AHCYL2: variants seen among roughly 807,000 people sequenced by gnomAD.
AHCYL2 encodes S-adenosylhomocysteine hydrolase-like protein 2.
Under a neutral mutation model 81.4 loss-of-function variants are expected in AHCYL2, and 28 were observed. That is an observed-to-expected ratio of 0.34 (90% CI 0.25 to 0.47). The LOEUF (loss-of-function observed/expected upper bound fraction) is 0.47, where lower values mean the gene tolerates loss of function less well. Among genes scored for constraint, AHCYL2 ranks in the 20% least tolerant of loss-of-function variants. The pLI is 1.00. For synonymous variants in AHCYL2, 272 were observed against 290.2 expected, an observed-to-expected ratio of 0.94 and a Z score of 0.64; for missense variants, 551 against 785.1, an observed-to-expected ratio of 0.70 and a Z score of 3.56.
At chr7:129,391,327 A>T (rs544889435) in intron 4 of AHCYL2, among the ~76,000 whole-genome samples, 1 of 152,338 alleles carries the variant, frequency 6.6e-6, no homozygotes, top group African/African-American at 2.4e-5. Context: ...AAACTACAAA[A>T]CTACTTTTTG....
intron 1 of AHCYL2, among the ~76,000 whole-genome samples, chr7:129,366,095 C>A (rs967543240): frequency 6.6e-6 from 1 of 152,042 alleles, no homozygotes; most frequent in East Asian, 1.9e-4. Flanking sequence ...CTTCAGTGGG[C>A]CTTATTTTCC....
At chr7:129,360,304 C>T (rs1197872796) in intron 1 of AHCYL2, among the ~76,000 whole-genome samples, 1 of 151,990 alleles carries the variant, frequency 6.6e-6, no homozygotes, top group African/African-American at 2.4e-5. Flanking sequence ...TTAGTAGAGA[C>T]GGAGTTTCTT....
At chr7:129,369,482 T>G (rs1794270285) in intron 1 of AHCYL2, among the ~76,000 whole-genome samples, 1 of 152,140 alleles carries the variant, frequency 6.6e-6, no homozygotes, top group Admixed American at 6.5e-5. Flanking sequence ...TTGTTACAAC[T>G]ATTTTTTATT....
intron 1 of AHCYL2, among the ~76,000 whole-genome samples, chr7:129,230,079 CTTTTTTTTTTTT>C (rs35056717): frequency 1.8e-5 from 2 of 109,432 alleles, no homozygotes; most frequent in East Asian, 2.6e-4. Flanking sequence ...TTATTTAATT[CTTTTTTTTTTTT>C]TTTTTTTTTT....
chr7:129,347,201 G>C (rs1793392256), intron 1 of AHCYL2, among the ~76,000 whole-genome samples: 2 of 150,966 alleles, frequency 1.3e-5, no homozygotes, highest in South Asian at 4.1e-4. Flanking sequence ...ATGCTACAAT[G>C]ATGGGTACAC....
chr7:129,240,863 A>C (rs1335899673), intron 1 of AHCYL2, among the ~76,000 whole-genome samples: 1 of 152,138 alleles, frequency 6.6e-6, no homozygotes, highest in Non-Finnish European at 1.5e-5. Flanking sequence ...AAGATTATGT[A>C]TTAGATATAG....
intron 1 of AHCYL2, among the ~76,000 whole-genome samples, chr7:129,362,250 C>G (rs1460230341): frequency 6.6e-6 from 1 of 152,104 alleles, no homozygotes; most frequent in East Asian, 1.9e-4. Flanking sequence ...CCTTCAAACC[C>G]AAGTCTATTC....
intron 1 of AHCYL2, among the ~76,000 whole-genome samples, chr7:129,258,963 A>G (rs1016515106): frequency 5.3e-5 from 8 of 152,286 alleles, no homozygotes; most frequent in South Asian, 2.1e-4. Flanking sequence ...GCATTTTGCT[A>G]TTTTAAAATC....
intron 1 of AHCYL2, among the ~76,000 whole-genome samples, chr7:129,326,526 A>C (rs1183887116): frequency 1.3e-5 from 2 of 152,192 alleles, no homozygotes; most frequent in East Asian, 3.9e-4. Flanking sequence ...ACGCCAACTC[A>C]AAACAAACAA....
chr7:129,226,242 C>G (rs1008036433), intron 1 of AHCYL2, among the ~76,000 whole-genome samples: 1 of 152,194 alleles, frequency 6.6e-6, no homozygotes, highest in East Asian at 1.9e-4. Context: ...CAGCTTCTTT[C>G]AGACAGTTTT....
intron 1 of AHCYL2, among the ~76,000 whole-genome samples, chr7:129,360,564 AG>A (rs1445025968): frequency 2.0e-5 from 3 of 152,262 alleles, no homozygotes; most frequent in Admixed American, 2.0e-4. Context: ...GATCAATTAT[AG>A]TATCAATGCT....
chr7:129,257,133 A>G (rs1467776576), intron 1 of AHCYL2, among the ~76,000 whole-genome samples: 3 of 152,116 alleles, frequency 2.0e-5, no homozygotes, highest in African/African-American at 7.2e-5. Flanking sequence ...CTCCAAGACC[A>G]CCCAAAAAAC....
In AHCYL2 at chr7:129,380,859, G is replaced by A. The variant is rs527621186; in HGVS notation, c.475+1110G>A. ...GGACTCAAGTGATCCTCCCACCTCA[G>A]TCTCCTGAGTAGCTGAGACCACAGG... On this transcript the variant is annotated intron_variant, in intron 2 of 16. Coordinates refer to ENST00000325006, the MANE Select transcript of AHCYL2 (RefSeq NM_015328.4). Among the ~76,000 whole-genome samples, 9 of 152,192 alleles carry A rather than the reference G, an allele frequency of 5.9e-5. No individual in the cohort carries two copies. In the East Asian group the frequency reaches 1.7e-3, roughly 29 times the overall value.
In AHCYL2 at chr7:129,320,622, T is replaced by TG. The variant is rs571147823; in HGVS notation, c.364-59016_364-59015insG. Among the ~76,000 whole-genome samples, 433 of 152,326 alleles carry TG rather than the reference T, an allele frequency of 2.8e-3. 4 individuals are homozygous for TG. The highest frequency in any genetic ancestry group is 9.8e-3 in the African/African-American group (408 of 41,572). Reference sequence around the variant, plus strand: ...CCACCACGTCTGGCCTTATCACAGTTTTTAAAAAAATTGAGATATAAATAA... The same window carrying TG: ...CCACCACGTCTGGCCTTATCACAGTTGTTTAAAAAAATTGAGATATAAATAA... On this transcript the variant is annotated intron_variant, in intron 1 of 16. Transcript: ENST00000325006.
intron 1 of AHCYL2, among the ~76,000 whole-genome samples, chr7:129,260,899 C>T (rs1795608812): frequency 6.6e-6 from 1 of 152,188 alleles, no homozygotes. Flanking sequence ...AGTGATTCTC[C>T]TGCCTCAGCC....
chr7:129,425,173 C>A, intron 15 of AHCYL2, 32 bp downstream of exon 15: 1 of 1,592,998 alleles, frequency 6.3e-7, no homozygotes, highest in Non-Finnish European at 8.6e-7. Context: ...TCCATCCTTA[C>A]CAAAGTAGTT....
In AHCYL2 at chr7:129,367,505, C is replaced by T. The variant is rs556539369; in HGVS notation, c.364-12133C>T. Among the ~76,000 whole-genome samples, 4 of 152,278 alleles carry T rather than the reference C, an allele frequency of 2.6e-5. No homozygotes were observed. In the South Asian group the frequency reaches 8.3e-4, roughly 32 times the overall value. ...TGGAGAGATAAAGCAGAAACAACTT[C>T]GGAGGTCCTTTAAGGTGATAGTGTA... On this transcript the variant is annotated intron_variant, in intron 1 of 16. Coordinates refer to ENST00000325006, the MANE Select transcript of AHCYL2 (RefSeq NM_015328.4).
intron 1 of AHCYL2, among the ~76,000 whole-genome samples, chr7:129,249,333 A>G (rs1000824232): frequency 2.6e-5 from 4 of 151,984 alleles, no homozygotes; most frequent in African/African-American, 7.2e-5. Flanking sequence ...ATTCATTGGC[A>G]TTAAGTACAT....
At chr7:129,361,339 G>A (rs572616175) in intron 1 of AHCYL2, among the ~76,000 whole-genome samples, 14 of 152,118 alleles carry the variant, frequency 9.2e-5, no homozygotes, top group East Asian at 7.7e-4. Flanking sequence ...CTCTTGCCAC[G>A]GCCCCAATAC....
Sources: gnomAD v4.1 joint callset for allele counts (sites outside exome capture counted in the v4.1 genomes callset) on GRCh38, gnomAD v4.1.1 for gene constraint, MANE v1.5 for transcripts, NCBI Gene and HGNC (gene_info 2026-07-23, HGNC 2026-07-21) for gene names.